CNTRL: variants seen among roughly 807,000 people sequenced by gnomAD.
CNTRL encodes centriolin, also known as 110 kDa centrosomal protein.
A neutral mutation model predicts 303.7 loss-of-function variants in CNTRL; 233 were observed. The observed-to-expected ratio is 0.77, with a 90% confidence interval of 0.69 to 0.86. The LOEUF (loss-of-function observed/expected upper bound fraction) is 0.86, where lower values mean the gene tolerates loss of function less well. Among genes scored for constraint, CNTRL ranks in the 40% least tolerant of loss-of-function variants. The pLI is 0.00. For synonymous variants in CNTRL, 900 were observed against 922.2 expected, an observed-to-expected ratio of 0.98 and a Z score of 0.44; for missense variants, 2,524 against 2,650.6, an observed-to-expected ratio of 0.95 and a Z score of 1.05.
intron 8 of CNTRL, 25 bp downstream of exon 8, chr9:121,108,020 T>C: frequency 1.3e-6 from 2 of 1,501,128 alleles, no homozygotes; most frequent in South Asian, 2.6e-5. Context: ...TACATTGCTT[T>C]GGCTGTATTC....
At chr9:121,134,253 AAATG>A (rs1164224631) in intron 14 of CNTRL, among the ~76,000 whole-genome samples, 3 of 152,022 alleles carry the variant, frequency 2.0e-5, no homozygotes, top group Non-Finnish European at 4.4e-5. Context: ...CACCTAAGAA[AAATG>A]ACGGTAATTC....
intron 7 of CNTRL, among the ~76,000 whole-genome samples, chr9:121,099,457 G>C (rs919135644): frequency 2.6e-5 from 4 of 152,194 alleles, no homozygotes; most frequent in Non-Finnish European, 5.9e-5. Context: ...GGAGAAACCA[G>C]AGCAGAAAAG....
At chr9:121,099,384 C>A (rs1223662176) in intron 7 of CNTRL, among the ~76,000 whole-genome samples, 1 of 152,056 alleles carries the variant, frequency 6.6e-6, no homozygotes, top group Non-Finnish European at 1.5e-5. Flanking sequence ...GATATCCACA[C>A]CAAAACCCTA....
chr9:121,117,975 T>A (rs1319704618), intron 11 of CNTRL, among the ~76,000 whole-genome samples: 10 of 149,298 alleles, frequency 6.7e-5, no homozygotes, highest in Admixed American at 6.0e-4. Context: ...CAAGACTCCG[T>A]CTCAAAAAAA....
chr9:121,098,813 T>C (rs2049000203), intron 7 of CNTRL, among the ~76,000 whole-genome samples: 1 of 139,968 alleles, frequency 7.1e-6, no homozygotes, highest in Non-Finnish European at 1.6e-5. Flanking sequence ...GCTTATGTTT[T>C]GGCAGAGAAG....
At chr9:121,113,085 T>C (rs771939951) in intron 9 of CNTRL, among the ~76,000 whole-genome samples, 2 of 152,170 alleles carry the variant, frequency 1.3e-5, no homozygotes, top group Non-Finnish European at 2.9e-5. Flanking sequence ...AAAATTCAAT[T>C]ATTAAAATAT....
chr9:121,118,539 A>C lies in CNTRL; in HGVS notation c.1649A>C (p.His550Pro). Reference sequence around the variant, plus strand: ...AGCCTGGATTCCAAAGACCCAAAACATGTGAGTAAATTAAGAAATTTTGAC... The same window carrying C: ...AGCCTGGATTCCAAAGACCCAAAACCTGTGAGTAAATTAAGAAATTTTGAC... Reference protein sequence around the residue: ...IDSLDSKDPKHSHMKAQKSGK... With the variant: ...IDSLDSKDPKPSHMKAQKSGK... Residue 550 changes from histidine to proline, a missense_variant and splice_region_variant, in exon 12 of 44, where the codon CAT becomes CCT. Physicochemically the swap from His to Pro is moderately conservative, Grantham distance 77 (BLOSUM62 -2). Coordinates refer to ENST00000373855, the MANE Select transcript of CNTRL (RefSeq NM_007018.6). 2 of 1,580,112 alleles carry C rather than the reference A, an allele frequency of 1.3e-6. No homozygotes were observed. The highest frequency in any genetic ancestry group is 1.8e-5 in the Admixed American group (1 of 54,058).
At chr9:121,171,074 C>G (rs1273602166) in intron 39 of CNTRL, among the ~76,000 whole-genome samples, 1 of 152,066 alleles carries the variant, frequency 6.6e-6, no homozygotes, top group Non-Finnish European at 1.5e-5. Context: ...ATAGGCAGAT[C>G]GTCATAAAGA....
In CNTRL at chr9:121,152,596, C is replaced by T. The variant is rs9408926; in HGVS notation, c.4075C>T (p.Leu1359=). The change falls in exon 26 of 44, where the codon CTG becomes TTG. Residue 1359 remains leucine, a synonymous_variant. Coordinates refer to ENST00000373855, the MANE Select transcript of CNTRL (RefSeq NM_007018.6). The part of the protein sequence containing the change: ...KRQSEKEMEE[L]HHNIDDLLQE... ...GCAGTCGGAGAAAGAAATGGAAGAA[C>T]TGCATCATAATATTGATGATCTTTT... is the stretch of plus-strand genomic sequence containing the variant. The T allele has an allele frequency of 0.049, 79,826 of 1,613,616 alleles. 2,267 individuals are homozygous for T. The highest frequency in any genetic ancestry group is 0.057 in the Non-Finnish European group (67,747 of 1,179,576).
chr9:121,142,122 GA>G lies in CNTRL; in HGVS notation c.2725del (p.Ile909SerfsTer15). 1.2e-6 allele frequency: 2 copies of G among 1,602,970 alleles called. No homozygotes were observed. Among genetic ancestry groups the G allele is most frequent in the Non-Finnish European group, 1.7e-6 (2 of 1,176,050 alleles). ...MNFDKRQHEARIQQMENEIHY... is the reference protein window; with the variant it reads ...MNFDKRQHEAXIQQMENEIHY... ...TTTGATAAGAGGCAACATGAAGCAA[GA>G]ATCCAGCAAATGGAGAATGAAATTC... is the stretch of plus-strand genomic sequence containing the variant. On this transcript the variant is annotated frameshift_variant, in exon 19 of 44. Transcript: ENST00000373855. LOFTEE classifies it high-confidence loss of function.
intron 2 of CNTRL, among the ~76,000 whole-genome samples, chr9:121,084,605 C>T (rs546279934): frequency 6.7e-5 from 10 of 149,768 alleles, no homozygotes; most frequent in South Asian, 2.1e-4. Context: ...AGTGCAGTGG[C>T]GCGATCTTGG....
rs752381692 is a variant in CNTRL at position 121,160,263 on chromosome 9, C to A, written c.5050C>A (p.Leu1684Ile). The A allele has an allele frequency of 6.5e-7, 1 of 1,550,220 alleles. No homozygotes were observed. Among genetic ancestry groups the A allele is most frequent in the South Asian group, 1.3e-5 (1 of 77,688 alleles). ...KQEIEKEEENLQVVLRQMSKH... is the reference protein window; with the variant it reads ...KQEIEKEEENIQVVLRQMSKH... Reference sequence around the variant, plus strand: ...GGAAATTGAAAAAGAGGAAGAAAATCTTCAGGTTGTTTTAAGGCAGATGTC... The same window carrying A: ...GGAAATTGAAAAAGAGGAAGAAAATATTCAGGTTGTTTTAAGGCAGATGTC... The change falls in exon 32 of 44, where the codon CTT (leucine) becomes ATT (isoleucine). Residue 1684 changes from leucine to isoleucine, a missense_variant. Coordinates refer to ENST00000373855, the MANE Select transcript of CNTRL (RefSeq NM_007018.6).
chr9:121,155,024 C>A, intron 27 of CNTRL, 111 bp downstream of exon 27: 1 of 951,262 alleles, frequency 1.1e-6, no homozygotes, highest in Non-Finnish European at 1.7e-6. Context: ...TTGTCCAAGT[C>A]AGACAGCCAG....
intron 7 of CNTRL, among the ~76,000 whole-genome samples, chr9:121,107,539 G>T (rs1338552143): frequency 3.3e-5 from 5 of 151,290 alleles, no homozygotes; most frequent in Non-Finnish European, 7.4e-5. Context: ...ACCTAGAAAA[G>T]AACTCATTTA....
chr9:121,088,960 A>G (rs774848497), intron 3 of CNTRL, among the ~76,000 whole-genome samples: 1 of 152,240 alleles, frequency 6.6e-6, no homozygotes, highest in Non-Finnish European at 1.5e-5. Flanking sequence ...TGATTTCCAC[A>G]TATGGGACAT....
rs371963721 is a variant in CNTRL, at chr9:121,176,997, TTTAA to T, written c.6955-163_6955-160del. 2.6e-4 allele frequency among the ~76,000 whole-genome samples: 40 copies of T among 152,268 alleles called. No homozygotes were observed. The East Asian group carries it at 7.1e-3, about 27-fold the overall frequency. The stretch of plus-strand genomic sequence containing the variant: ...ATTTTAGCAGTTTTAAGAATAACCG[TTTAA>T]TTTTTTCTCTCAGAATTTTGTACAC... On this transcript the variant is annotated intron_variant, in intron 43 of 43. Transcript: ENST00000373855.
At chr9:121,141,009 G>C (rs2051479189) in intron 17 of CNTRL, among the ~76,000 whole-genome samples, 2 of 152,250 alleles carry the variant, frequency 1.3e-5, no homozygotes, top group South Asian at 4.1e-4. Context: ...TGGTATTTAA[G>C]AGTAATATTT....
At position 121,161,944 on chromosome 9, in the gene CNTRL, A is replaced by G. The variant is rs1323581017; in HGVS notation, c.5178A>G (p.Leu1726=). ...AACATGACCAAAGGGTATCTGAATT[A>G]GAGAAGACTCAGGTGGCAGTGCTAG... ...KLQHDQRVSE[L]EKTQVAVLEE... Residue 1726 remains leucine (L), a synonymous_variant, in exon 33 of 44, where the codon TTA becomes TTG. Coordinates refer to ENST00000373855, the MANE Select transcript of CNTRL (RefSeq NM_007018.6). 1.2e-6 allele frequency: 2 copies of G among 1,614,090 alleles called. No homozygotes were observed. The highest frequency in any genetic ancestry group is 1.7e-6 in the Non-Finnish European group (2 of 1,180,018).
Position 121,177,439 on chromosome 9 carries a change from G to C in CNTRL, c.*253G>C, listed in dbSNP as rs982779307. ...CTGAGCCTTTTTTTTTTTAATCTTC[G>C]TAACATGTTTAAAAAAAAACAGTGA... On this transcript the variant is annotated 3_prime_UTR_variant, in exon 44 of 44. Coordinates refer to ENST00000373855, the MANE Select transcript of CNTRL (RefSeq NM_007018.6). The C allele has an allele frequency of 5.5e-5, 21 of 381,598 alleles. No homozygotes were observed. The highest frequency in any genetic ancestry group is 4.7e-4 in the Admixed American group (10 of 21,372). The allele number at this position is 381,598 out of a possible 1,614,324, so 23.6% of individuals were successfully genotyped here.
Sources: gnomAD v4.1 joint callset for allele counts (sites outside exome capture counted in the v4.1 genomes callset) on GRCh38, gnomAD v4.1.1 for gene constraint, MANE v1.5 for transcripts, NCBI Gene and HGNC (gene_info 2026-07-23, HGNC 2026-07-21) for gene names.